Variants in DZIP1L observed in about 807,000 individuals in gnomAD.
DZIP1L encodes the protein DAZ interacting zinc finger protein 1 like.
In DZIP1L, 90 loss-of-function variants were observed where a neutral mutation model predicts 88.7. The ratio of observed to expected loss-of-function variants is 1.02; its 90% confidence interval spans 0.86 to 1.21. The LOEUF is 1.21. Ranked by LOEUF, DZIP1L falls within the 50% of genes most tolerant of loss-of-function variation. The pLI is 0.00. For missense variants in DZIP1L, 932 were observed against 955.8 expected, an observed-to-expected ratio of 0.98 and a Z score of 0.33; for synonymous variants, 363 against 372.1, an observed-to-expected ratio of 0.98 and a Z score of 0.28.
chr3:138,106,661 G>A (rs1006082370), intron 1 of DZIP1L, among the ~76,000 whole-genome samples: 7 of 151,502 alleles, frequency 4.6e-5, no homozygotes, highest in Non-Finnish European at 1.0e-4. Context: ...GTGAAACCCC[G>A]TCTCTACTAA....
chr3:138,088,914 A>G, intron 5 of DZIP1L: 2 of 986,774 alleles, frequency 2.0e-6, no homozygotes, highest in East Asian at 1.1e-4. Context: ...CTCTCTCCCT[A>G]CAAAACATCC....
In DZIP1L at chr3:138,089,686, A is replaced by T. The variant is rs999264335; in HGVS notation, c.871-1179T>A. Among the ~76,000 whole-genome samples, 9 of 152,324 alleles carry T rather than the reference A, an allele frequency of 5.9e-5. No homozygotes were observed. In the East Asian group the frequency reaches 7.7e-4, roughly 13 times the overall value. Reference sequence around the variant, plus strand: ...CTGGTTTTTACCCTTAAAATTTTTTAAAAATACATTAACAAAATGACTACC... The same window carrying T: ...CTGGTTTTTACCCTTAAAATTTTTTTAAAATACATTAACAAAATGACTACC... On this transcript the variant is annotated intron_variant, in intron 5 of 15. Coordinates refer to ENST00000327532, the MANE Select transcript of DZIP1L (RefSeq NM_173543.3).
At position 138,097,688 on chromosome 3, in the gene DZIP1L, G is replaced by T. The variant is rs147052660; in HGVS notation, c.586+75C>A. 3.2e-5 allele frequency: 44 copies of T among 1,387,930 alleles called. No homozygotes were observed. In the Middle Eastern group the frequency reaches 7.4e-4, roughly 23 times the overall value. 86.0% of individuals were successfully genotyped at this position (1,387,930 alleles called of 1,614,324 possible). On this transcript the variant is annotated intron_variant, in intron 3 of 15. Coordinates refer to ENST00000327532, the MANE Select transcript of DZIP1L (RefSeq NM_173543.3). ...AGAGCAGTTTTGGGTGCTATAGGTG[G>T]TCACCACCCACTGAATACCAGCCCC...
At chr3:138,098,417 G>A (rs570826220) in intron 2 of DZIP1L, among the ~76,000 whole-genome samples, 1 of 152,318 alleles carries the variant, frequency 6.6e-6, no homozygotes. Flanking sequence ...AACACCAGAG[G>A]CAGAGAGGTT....
chr3:138,110,619 C>G (rs2042602611), intron 1 of DZIP1L, among the ~76,000 whole-genome samples: 1 of 152,114 alleles, frequency 6.6e-6, no homozygotes, highest in Non-Finnish European at 1.5e-5. Flanking sequence ...TATCTCCATC[C>G]CATCAACAAA....
intron 1 of DZIP1L, among the ~76,000 whole-genome samples, chr3:138,108,755 G>A (rs2042563350): frequency 6.6e-6 from 1 of 152,140 alleles, no homozygotes. Context: ...TTCCACCAGG[G>A]CCAGAAAAGT....
chr3:138,102,849 G>A (rs1215743187), intron 2 of DZIP1L: 2 of 696,156 alleles, frequency 2.9e-6, no homozygotes, highest in Non-Finnish European at 5.3e-6. Context: ...TCATGTAGAA[G>A]CAGCTGCTGA....
rs1267825162 is a variant in DZIP1L at position 138,092,551 on chromosome 3, A to G, written c.709-7T>C. On this transcript the variant is annotated splice_region_variant and splice_polypyrimidine_tract_variant and intron_variant, in intron 4 of 15. Coordinates refer to ENST00000327532, the MANE Select transcript of DZIP1L (RefSeq NM_173543.3). Reference sequence around the variant, plus strand: ...GATGAATGAGCTCTGCTTCCTAAAAAGAAGAGCAAGAACAATATGATGATT... The same window carrying G: ...GATGAATGAGCTCTGCTTCCTAAAAGGAAGAGCAAGAACAATATGATGATT... The G allele has an allele frequency of 1.3e-6, 2 of 1,560,024 alleles. No homozygotes were observed. Among genetic ancestry groups the G allele is most frequent in the East Asian group, 4.6e-5 (2 of 43,724 alleles).
intron 13 of DZIP1L, 65 bp from the exon 14 acceptor site, chr3:138,067,765 T>C: frequency 6.8e-7 from 1 of 1,473,336 alleles, no homozygotes; most frequent in Middle Eastern, 2.2e-4. Context: ...AAAGCCAAAC[T>C]TCACCACGCT....
At chr3:138,111,576 T>C (rs1023522828) in intron 1 of DZIP1L, among the ~76,000 whole-genome samples, 7 of 152,158 alleles carry the variant, frequency 4.6e-5, no homozygotes, top group Non-Finnish European at 7.3e-5. Context: ...GCTGCCCCAC[T>C]CCCAACTACA....
intron 5 of DZIP1L, among the ~76,000 whole-genome samples, chr3:138,091,447 G>A (rs1008447037): frequency 1.3e-5 from 2 of 151,390 alleles, no homozygotes; most frequent in Non-Finnish European, 2.9e-5. Context: ...GTGAAACCCC[G>A]TCTCTATGAA....
At chr3:138,086,632 G>A (rs1434098769) in intron 7 of DZIP1L, among the ~76,000 whole-genome samples, 2 of 152,128 alleles carry the variant, frequency 1.3e-5, no homozygotes, top group South Asian at 2.1e-4. Flanking sequence ...AACGTGAAAC[G>A]ACCAGGCGAT....
At chr3:138,068,108 C>A in intron 13 of DZIP1L, 43 bp downstream of exon 13, 2 of 1,433,670 alleles carry the variant, frequency 1.4e-6, no homozygotes, top group South Asian at 1.6e-5. Flanking sequence ...AATCCAGGAG[C>A]CACCACTGCA....
At chr3:138,093,912 CT>C (rs1344066236) in intron 4 of DZIP1L, among the ~76,000 whole-genome samples, 1 of 152,190 alleles carries the variant, frequency 6.6e-6, no homozygotes, top group Non-Finnish European at 1.5e-5. Flanking sequence ...GGCTGTTTCA[CT>C]TTCTTATCAT....
chr3:138,094,826 A>G (rs1341364804), intron 4 of DZIP1L, 36 bp downstream of exon 4: 1 of 1,613,408 alleles, frequency 6.2e-7, no homozygotes, highest in East Asian at 2.2e-5. Context: ...GTAGTCCATG[A>G]CCCAAGTCTC....
At chr3:138,064,562 C>A in intron 15 of DZIP1L, 66 bp downstream of exon 15, 5 of 1,613,514 alleles carry the variant, frequency 3.1e-6, no homozygotes, top group African/African-American at 1.3e-5. Flanking sequence ...TCACCCCAGG[C>A]CCCCCAAACT....
At chr3:138,092,308 A>C (rs1944275065) in intron 5 of DZIP1L, 75 bp downstream of exon 5, 1 of 1,421,652 alleles carries the variant, frequency 7.0e-7, no homozygotes, top group Non-Finnish European at 9.3e-7. Context: ...AAATAAAACC[A>C]GTACAAACTA....
rs200374424 is a variant in DZIP1L, at chr3:138,077,676, T to C, written c.1289-44A>G. The C allele has an allele frequency of 8.7e-6, 14 of 1,609,004 alleles. No homozygotes were observed. The East Asian group carries it at 2.9e-4, about 33-fold the overall frequency. ...ACCCAGATCAGCCTGGGCACCTGAG[T>C]TCTCCATTCCCAGAGCCCTACTGCA... On this transcript the variant is annotated intron_variant, in intron 10 of 15. Coordinates refer to ENST00000327532, the MANE Select transcript of DZIP1L (RefSeq NM_173543.3).
intron 2 of DZIP1L, chr3:138,102,695 G>A: frequency 1.1e-6 from 1 of 899,324 alleles, no homozygotes; most frequent in Non-Finnish European, 1.9e-6. Context: ...AGGTTAAGGG[G>A]GCTCAGCAGG....
Sources: gnomAD v4.1 joint callset for allele counts (sites outside exome capture counted in the v4.1 genomes callset) on GRCh38, gnomAD v4.1.1 for gene constraint, MANE v1.5 for transcripts, NCBI Gene and HGNC (gene_info 2026-07-23, HGNC 2026-07-21) for gene names.